Variants in FBXO36 observed in about 807,000 individuals in gnomAD.
The protein encoded by FBXO36 is F-box only protein 36.
FBXO36 carries 18 observed loss-of-function variants against 17.0 expected under a neutral mutation model. The ratio of observed to expected loss-of-function variants is 1.06; its 90% confidence interval spans 0.73 to 1.57. The LOEUF (loss-of-function observed/expected upper bound fraction) is 1.57, where lower values mean the gene tolerates loss of function less well. Ranked by LOEUF, FBXO36 falls within the 40% of genes most tolerant of loss-of-function variation. FBXO36 has a pLI of 0.00. For missense variants in FBXO36, 229 were observed against 221.9 expected, an observed-to-expected ratio of 1.03 and a Z score of -0.20; for synonymous variants, 83 against 85.3, an observed-to-expected ratio of 0.97 and a Z score of 0.15.
In FBXO36 at chr2:229,964,754, C is replaced by T. The variant is rs570795069; in HGVS notation, c.97-11487C>T. Among the ~76,000 whole-genome samples, 45 of 152,240 alleles carry T rather than the reference C, an allele frequency of 3.0e-4. 1 individual carries two copies. The highest frequency in any genetic ancestry group is 1.0e-3 in the African/African-American group (43 of 41,548). ...CAGGCTGGTCTCGAACTCCTGACCT[C>T]GTGATCCTTCCGCCTCGGCCTCCCA... On this transcript the variant is annotated intron_variant, in intron 1 of 3. Coordinates refer to ENST00000283946, the MANE Select transcript of FBXO36 (RefSeq NM_174899.5).
intron 2 of FBXO36, among the ~76,000 whole-genome samples, chr2:229,989,894 C>T (rs1172623057): frequency 6.6e-6 from 1 of 152,032 alleles, no homozygotes; most frequent in East Asian, 1.9e-4. Context: ...TTTATATTTT[C>T]CTTGTTTTGT....
At chr2:229,953,286 C>T (rs1305971457) in intron 1 of FBXO36, among the ~76,000 whole-genome samples, 2 of 151,890 alleles carry the variant, frequency 1.3e-5, no homozygotes, top group Admixed American at 1.3e-4. Context: ...TTGCAGTGAG[C>T]GGAGATTGCG....
chr2:229,996,358 G>A (rs2077327321), intron 2 of FBXO36, among the ~76,000 whole-genome samples: 1 of 152,172 alleles, frequency 6.6e-6, no homozygotes, highest in Non-Finnish European at 1.5e-5. Flanking sequence ...AGCAGGGCTG[G>A]CAGAAAAGCC....
Position 229,922,529 on chromosome 2 carries a change from C to A in FBXO36, c.16C>A (p.Pro6Thr), listed in dbSNP as rs769314957. MASWL[P>T]ETLFETVGQG... ...GCGTCCCAAGATGGCGTCGTGGCTG[C>A]CGGAGACTCTCTTTGAAACTGTAGG... Residue 6 changes from proline to threonine, a missense_variant, in exon 1 of 4, where the codon CCG becomes ACG. By Grantham distance (38) the Pro-to-Thr change is conservative (BLOSUM62 -1). Transcript: ENST00000283946. The A allele has an allele frequency of 3.2e-5, 51 of 1,613,554 alleles. No homozygotes were observed. The highest frequency in any genetic ancestry group is 4.0e-5 in the Non-Finnish European group (47 of 1,179,968).
At chr2:229,930,074 G>A (rs745858083) in intron 1 of FBXO36, among the ~76,000 whole-genome samples, 10 of 152,156 alleles carry the variant, frequency 6.6e-5, no homozygotes, top group Non-Finnish European at 4.4e-5. Flanking sequence ...TTATCCAGGC[G>A]TGGTGGCTCA....
intron 1 of FBXO36, chr2:229,932,677 C>CAA: frequency 6.9e-6 from 1 of 145,902 alleles, no homozygotes; most frequent in Non-Finnish European, 1.5e-5. Context: ...GGCTCCGTCT[C>CAA]AAAAAAAAAA....
Position 229,976,279 on chromosome 2 carries a change from G to GT in FBXO36, c.136dup (p.Tyr46LeufsTer14). 6.2e-7 allele frequency: 1 copy of GT among 1,613,470 alleles called. No homozygotes were observed. Among genetic ancestry groups the GT allele is most frequent in the South Asian group, 1.1e-5 (1 of 91,018 alleles). ...GGTGGAAGATCTCTCTAAGGAGTGA[G>GT]TATCGATCAACAAAACCTGGAGAAG... On this transcript the variant is annotated frameshift_variant, in exon 2 of 4. Transcript: ENST00000283946. LOFTEE classifies it high-confidence loss of function.
rs546313010 is a variant in FBXO36 at position 229,932,512 on chromosome 2, C to CT, written c.96+9906dup. ...TCCAGCCTAGGCAAGAAGAGTGAAACTTTGTCTCAAAAAAAAAATTAGCTG... is the reference window on the plus strand; with the variant it reads ...TCCAGCCTAGGCAAGAAGAGTGAAACTTTTGTCTCAAAAAAAAAATTAGCTG... On this transcript the variant is annotated intron_variant, in intron 1 of 3. Transcript: ENST00000283946. 1.7e-3 allele frequency among the ~76,000 whole-genome samples: 251 copies of CT among 151,550 alleles called. 2 individuals are homozygous for CT. Among genetic ancestry groups the CT allele is most frequent in the African/African-American group, 5.4e-3 (225 of 41,330 alleles).
chr2:229,952,152 T>A (rs1479576678), intron 1 of FBXO36, among the ~76,000 whole-genome samples: 2 of 152,224 alleles, frequency 1.3e-5, no homozygotes, highest in South Asian at 2.1e-4. Context: ...ATAACTATCA[T>A]AACCAGACTG....
intron 1 of FBXO36, chr2:229,943,145 A>C (rs1470911644): frequency 6.6e-6 from 1 of 152,294 alleles, no homozygotes; most frequent in African/African-American, 2.4e-5. Context: ...TCAGCACCAG[A>C]GACAACCTAC....
At chr2:229,992,090 A>G (rs2077300738) in intron 2 of FBXO36, among the ~76,000 whole-genome samples, 1 of 150,980 alleles carries the variant, frequency 6.6e-6, no homozygotes, top group East Asian at 1.9e-4. Context: ...ATCAGGCAGT[A>G]TGTTCCTGCT....
chr2:229,939,265 T>A (rs1212149128), intron 1 of FBXO36: 1 of 985,148 alleles, frequency 1.0e-6, no homozygotes, highest in Non-Finnish European at 1.2e-6. Context: ...AAGGATTATA[T>A]GAGGTAAGAT....
intron 2 of FBXO36, among the ~76,000 whole-genome samples, chr2:229,979,967 G>A (rs966875354): frequency 1.3e-5 from 2 of 151,984 alleles, no homozygotes; most frequent in Non-Finnish European, 2.9e-5. Flanking sequence ...TTTAACTGTG[G>A]ACCAGACATG....
At chr2:229,996,261 C>A (rs2077326672) in intron 2 of FBXO36, among the ~76,000 whole-genome samples, 1 of 151,286 alleles carries the variant, frequency 6.6e-6, no homozygotes, top group African/African-American at 2.4e-5. Flanking sequence ...CTGGGCGACC[C>A]CATCTAAAAA....
At position 229,954,954 on chromosome 2, in the gene FBXO36, A is replaced by G. The variant is rs570580107; in HGVS notation, c.97-21287A>G. 5.6e-3 allele frequency among the ~76,000 whole-genome samples: 848 copies of G among 150,984 alleles called. 10 individuals are homozygous for G. The highest frequency in any genetic ancestry group is 0.019 in the African/African-American group (762 of 41,068). ...AACCTCTGTCTCCCAGGTTCAAGCA[A>G]TTCTCCTGCCTCAGCCTCCCAAGTA... On this transcript the variant is annotated intron_variant, in intron 1 of 3. Transcript: ENST00000283946.
chr2:229,957,098 T>C (rs2077092355), intron 1 of FBXO36, among the ~76,000 whole-genome samples: 1 of 152,208 alleles, frequency 6.6e-6, no homozygotes, highest in African/African-American at 2.4e-5. Context: ...AATTTTGTTA[T>C]GTTTAATAAT....
intron 1 of FBXO36, among the ~76,000 whole-genome samples, chr2:229,957,929 A>T (rs1366302093): frequency 6.6e-6 from 1 of 152,194 alleles, no homozygotes; most frequent in African/African-American, 2.4e-5. Context: ...CAGAAGTAGA[A>T]GTATAGACAC....
chr2:229,982,125 G>A (rs1172305578), intron 2 of FBXO36, among the ~76,000 whole-genome samples: 1 of 152,002 alleles, frequency 6.6e-6, no homozygotes, highest in African/African-American at 2.4e-5. Flanking sequence ...CCAGGCTCAA[G>A]TGATCTTCCC....
chr2:229,936,188 A>AAAACAAAC (rs746199882), intron 1 of FBXO36, among the ~76,000 whole-genome samples: 1 of 152,100 alleles, frequency 6.6e-6, no homozygotes, highest in Admixed American at 6.6e-5. Context: ...TCCGTCTCAA[A>AAAACAAAC]AAACAAACAA....
Sources: gnomAD v4.1 joint callset for allele counts (sites outside exome capture counted in the v4.1 genomes callset) on GRCh38, gnomAD v4.1.1 for gene constraint, MANE v1.5 for transcripts, NCBI Gene and HGNC (gene_info 2026-07-23, HGNC 2026-07-21) for gene names.